ADIPOR2: variants seen among roughly 807,000 people sequenced by gnomAD.
ADIPOR2 encodes adiponectin receptor 2, also known as adiponectin receptor protein 2.
A neutral mutation model predicts 40.9 loss-of-function variants in ADIPOR2; 18 were observed. That is an observed-to-expected ratio of 0.44 (90% CI 0.30 to 0.65). ADIPOR2 has a LOEUF of 0.65. Among genes scored for constraint, ADIPOR2 ranks in the 30% least tolerant of loss-of-function variants. The pLI is 0.09. For synonymous variants in ADIPOR2, 165 were observed against 166.4 expected (o/e 0.99, Z 0.06); for missense variants, 283 against 479.2 (o/e 0.59, Z 3.82).
chr12:1,772,762 A>G, intron 2 of ADIPOR2, 80 bp from the exon 3 acceptor site: 1 of 1,481,284 alleles, frequency 6.8e-7, no homozygotes, highest in Non-Finnish European at 9.0e-7. Context: ...ATTTCATTAT[A>G]ATTCCACAAG....
intron 1 of ADIPOR2, among the ~76,000 whole-genome samples, chr12:1,723,315 T>G (rs1227990577): frequency 6.6e-6 from 1 of 152,066 alleles, no homozygotes; most frequent in African/African-American, 2.4e-5. Flanking sequence ...AAGGAGCTCT[T>G]CCCAAAAATA....
At chr12:1,747,939 T>C (rs1290510198) in intron 1 of ADIPOR2, among the ~76,000 whole-genome samples, 1 of 152,144 alleles carries the variant, frequency 6.6e-6, no homozygotes, top group African/African-American at 2.4e-5. Flanking sequence ...ACATTGAGTT[T>C]CCTGGATGTG....
intron 7 of ADIPOR2, among the ~76,000 whole-genome samples, chr12:1,784,641 T>C (rs1862792702): frequency 1.3e-5 from 2 of 152,192 alleles, no homozygotes; most frequent in Non-Finnish European, 2.9e-5. Context: ...AGTGTATGTA[T>C]GTCTGGTGGA....
At chr12:1,741,421 T>C (rs1453577064) in intron 1 of ADIPOR2, among the ~76,000 whole-genome samples, 6 of 152,160 alleles carry the variant, frequency 3.9e-5, no homozygotes, top group African/African-American at 7.2e-5. Context: ...TATTTACTAA[T>C]GGATTAAGTA....
intron 1 of ADIPOR2, among the ~76,000 whole-genome samples, chr12:1,744,382 G>A (rs1428601861): frequency 2.0e-5 from 3 of 152,168 alleles, no homozygotes; most frequent in Admixed American, 1.3e-4. Flanking sequence ...GGGATTGCAG[G>A]TGTGAGCCAC....
At chr12:1,764,164 TA>T (rs1230073543) in intron 2 of ADIPOR2, among the ~76,000 whole-genome samples, 2 of 152,210 alleles carry the variant, frequency 1.3e-5, no homozygotes, top group African/African-American at 4.8e-5. Context: ...TGGAGATGTT[TA>T]ACTGGGTGAT....
At chr12:1,773,220 G>C (rs1423485810) in intron 3 of ADIPOR2, among the ~76,000 whole-genome samples, 1 of 152,192 alleles carries the variant, frequency 6.6e-6, no homozygotes, top group Non-Finnish European at 1.5e-5. Context: ...TAGGTTAACA[G>C]AGTAAATGTC....
chr12:1,767,270 A>C (rs1226388248), intron 2 of ADIPOR2, among the ~76,000 whole-genome samples: 2 of 22,090 alleles, frequency 9.1e-5, no homozygotes, highest in Non-Finnish European at 1.5e-4. Context: ...AGACTTCGTC[A>C]AAAAAAAAAA....
intron 1 of ADIPOR2, among the ~76,000 whole-genome samples, chr12:1,710,541 A>T (rs1407808004): frequency 1.3e-5 from 2 of 151,966 alleles, no homozygotes; most frequent in African/African-American, 4.8e-5. Context: ...GTTAAAAGCA[A>T]CTAGCGCGGC....
chr12:1,739,827 G>A (rs560441609), intron 1 of ADIPOR2, among the ~76,000 whole-genome samples: 9 of 152,202 alleles, frequency 5.9e-5, no homozygotes, highest in Non-Finnish European at 1.0e-4. Flanking sequence ...TTAGCTGGGC[G>A]CAGTGGCTCA....
Position 1,757,756 on chromosome 12 carries a change from A to C in ADIPOR2, c.171+3242A>C. The C allele has an allele frequency of 2.6e-6, 3 of 1,164,958 alleles. No homozygotes were observed. In the Admixed American group the frequency reaches 5.1e-5, roughly 20 times the overall value. The allele number at this position is 1,164,958 out of a possible 1,614,324, so 72.2% of individuals were successfully genotyped here. A position where few individuals can be genotyped will look rare whatever the true frequency, so the allele number is the denominator to read the frequency against. On this transcript the variant is annotated intron_variant, in intron 2 of 7. Transcript: ENST00000357103. ...CGTCTTGTCAATGCTGATGACATCCATGAATCCAGCAGGGTAGGTTATATG... is the reference window on the plus strand; with the variant it reads ...CGTCTTGTCAATGCTGATGACATCCCTGAATCCAGCAGGGTAGGTTATATG...
intron 1 of ADIPOR2, among the ~76,000 whole-genome samples, chr12:1,726,186 A>G (rs2094707579): frequency 6.6e-6 from 1 of 152,130 alleles, no homozygotes. Flanking sequence ...GTGAAGTATA[A>G]GCAATAGAGT....
At chr12:1,768,988 T>A (rs4766415) in intron 2 of ADIPOR2, among the ~76,000 whole-genome samples, 58,410 of 152,084 alleles carry the variant, frequency 0.38, 13,795 homozygotes, top group Non-Finnish European at 0.53. Flanking sequence ...TCATGTTTCT[T>A]GTCATAATTT....
chr12:1,708,693 T>C (rs376258671), intron 1 of ADIPOR2, among the ~76,000 whole-genome samples: 8 of 152,134 alleles, frequency 5.3e-5, no homozygotes, highest in African/African-American at 1.7e-4. Flanking sequence ...AGTGGGTCTT[T>C]TTATTATTGC....
chr12:1,706,316 T>C (rs891521006), intron 1 of ADIPOR2, among the ~76,000 whole-genome samples: 2 of 152,208 alleles, frequency 1.3e-5, no homozygotes, highest in African/African-American at 4.8e-5. Context: ...CATGGTAACA[T>C]GGTAACTTCT....
intron 1 of ADIPOR2, among the ~76,000 whole-genome samples, chr12:1,736,070 C>G (rs917655519): frequency 3.9e-5 from 6 of 152,080 alleles, no homozygotes; most frequent in Non-Finnish European, 5.9e-5. Context: ...TTTGTTTTGT[C>G]TCTGCCAGGC....
chr12:1,777,906 T>G lies in ADIPOR2; in HGVS notation c.344T>G (p.Leu115Arg). The change falls in exon 4 of 8, where the codon CTC becomes CGC. Residue 115 changes from leucine (L) to arginine (R), a missense_variant. Leu to Arg is a moderately radical substitution (Grantham distance 102). Transcript: ENST00000357103. ...CCTCATGATGTACTACCAGACTGGC[T>G]CAAGGATAATGACTTCCTCTTGCAT... Reference protein sequence around the residue: ...VIPHDVLPDWLKDNDFLLHGH... With the variant: ...VIPHDVLPDWRKDNDFLLHGH... 6.2e-7 allele frequency: 1 copy of G among 1,614,134 alleles called. No homozygotes were observed. Among genetic ancestry groups the G allele is most frequent in the Non-Finnish European group, 8.5e-7 (1 of 1,179,982 alleles).
chr12:1,691,262 G>A (rs34838984), intron 1 of ADIPOR2, 71 bp downstream of exon 1: 4,710 of 152,816 alleles, frequency 0.031, 162 homozygotes, highest in Admixed American at 0.11. Flanking sequence ...CAGAGGGAGA[G>A]CTTGGGGTCG....
intron 1 of ADIPOR2, among the ~76,000 whole-genome samples, chr12:1,729,617 G>GTTTTTTTTTTTTT (rs56921758): frequency 6.7e-5 from 6 of 88,986 alleles, no homozygotes; most frequent in East Asian, 6.9e-4. Flanking sequence ...TCAGCCAGTT[G>GTTTTTTTTTTTTT]TTTTTTTTTT....
Sources: gnomAD v4.1 joint callset for allele counts (sites outside exome capture counted in the v4.1 genomes callset) on GRCh38, gnomAD v4.1.1 for gene constraint, MANE v1.5 for transcripts, NCBI Gene and HGNC (gene_info 2026-07-23, HGNC 2026-07-21) for gene names.